PPM1A: variants seen among roughly 807,000 people sequenced by gnomAD.
PPM1A encodes protein phosphatase, Mg2+/Mn2+ dependent 1A.
A neutral mutation model predicts 35.0 loss-of-function variants in PPM1A; 7 were observed. That is an observed-to-expected ratio of 0.20 (90% CI 0.11 to 0.38). The LOEUF is 0.38. PPM1A is among the 10% of genes least tolerant of loss of function. PPM1A has a pLI of 1.00. For synonymous variants in PPM1A, 153 were observed against 167.3 expected, an observed-to-expected ratio of 0.91 and a Z score of 0.66; for missense variants, 239 against 467.8, an observed-to-expected ratio of 0.51 and a Z score of 4.51.
chr14:60,261,812 C>A (rs1256081530), intron 1 of PPM1A, among the ~76,000 whole-genome samples: 1 of 152,062 alleles, frequency 6.6e-6, no homozygotes, highest in East Asian at 1.9e-4. Context: ...CAGAATTGTT[C>A]CTGAGATTTT....
At chr14:60,264,845 C>G (rs774159180) in intron 1 of PPM1A, among the ~76,000 whole-genome samples, 3 of 152,040 alleles carry the variant, frequency 2.0e-5, no homozygotes, top group Non-Finnish European at 2.9e-5. Flanking sequence ...GCCACCTATT[C>G]TGGTTTGATT....
At chr14:60,263,130 A>C (rs1002973910) in intron 1 of PPM1A, among the ~76,000 whole-genome samples, 11 of 152,076 alleles carry the variant, frequency 7.2e-5, no homozygotes, top group African/African-American at 2.4e-4. Context: ...AGGCAGGAGA[A>C]TTGCTTGAAC....
chr14:60,288,359 G>A, intron 3 of PPM1A: 1 of 976,954 alleles, frequency 1.0e-6, no homozygotes, highest in Non-Finnish European at 1.2e-6. Context: ...ATTGTATCTA[G>A]TTATCTATCC....
intron 1 of PPM1A, among the ~76,000 whole-genome samples, chr14:60,255,384 G>C (rs1236634798): frequency 6.6e-6 from 1 of 151,650 alleles, no homozygotes; most frequent in East Asian, 1.9e-4. Flanking sequence ...TGTTAGCCAG[G>C]ATGGTCTCGA....
At chr14:60,281,086 G>A (rs1886360208) in intron 1 of PPM1A, among the ~76,000 whole-genome samples, 1 of 152,162 alleles carries the variant, frequency 6.6e-6, no homozygotes, top group South Asian at 2.1e-4. Flanking sequence ...AGTAATGCTT[G>A]TAAAACACTT....
At chr14:60,276,600 T>TG (rs902075718) in intron 1 of PPM1A, among the ~76,000 whole-genome samples, 2 of 152,170 alleles carry the variant, frequency 1.3e-5, no homozygotes, top group Non-Finnish European at 2.9e-5. Flanking sequence ...TTATAAAGCC[T>TG]GGGGGGCGTT....
In PPM1A at chr14:60,295,796, C is replaced by T. The variant is rs1350279185; in HGVS notation, c.*3314C>T. 1 of 151,552 alleles carries T rather than the reference C, an allele frequency of 6.6e-6. No individual in the cohort carries two copies. Among genetic ancestry groups the T allele is most frequent in the Non-Finnish European group, 1.5e-5 (1 of 67,646 alleles). 9.4% of individuals were successfully genotyped at this position (151,552 alleles called of 1,614,324 possible). A position where few individuals can be genotyped will look rare whatever the true frequency, so the allele number is the denominator to read the frequency against. Reference sequence around the variant, plus strand: ...ATATCTATTGCCCACCTGCTATCTACCAGGTACTTAGCTGATCAAGGCAGG... The same window carrying T: ...ATATCTATTGCCCACCTGCTATCTATCAGGTACTTAGCTGATCAAGGCAGG... On this transcript the variant is annotated 3_prime_UTR_variant, in exon 6 of 6. Coordinates refer to ENST00000395076, the MANE Select transcript of PPM1A (RefSeq NM_021003.5).
rs896980953 is a variant in PPM1A at position 60,298,410 on chromosome 14, A to G, written c.*5928A>G. 15 of 151,766 alleles carry G rather than the reference A, an allele frequency of 9.9e-5. No individual in the cohort carries two copies. Among genetic ancestry groups the G allele is most frequent in the Non-Finnish European group, 1.5e-5 (1 of 67,712 alleles). The allele number at this position is 151,766 out of a possible 1,614,324, so 9.4% of individuals were successfully genotyped here. On this transcript the variant is annotated 3_prime_UTR_variant, in exon 6 of 6. Transcript: ENST00000395076. ...TGTTAAAATAACATCCAAGTCGGAC[A>G]ACCACCACCAATGCACACAGTTAAT...
chr14:60,271,605 T>C (rs368440787), intron 1 of PPM1A, among the ~76,000 whole-genome samples: 12 of 152,328 alleles, frequency 7.9e-5, no homozygotes, highest in African/African-American at 2.9e-4. Flanking sequence ...TGCTAGGGAC[T>C]CGAGAATGCA....
intron 1 of PPM1A, among the ~76,000 whole-genome samples, chr14:60,267,526 G>T (rs1595303772): frequency 6.6e-6 from 1 of 151,870 alleles, no homozygotes; most frequent in Middle Eastern, 3.4e-3. Flanking sequence ...TATTTTTTTA[G>T]TGCTGTCTTT....
chr14:60,272,643 A>G (rs1885278636), intron 1 of PPM1A, among the ~76,000 whole-genome samples: 2 of 149,504 alleles, frequency 1.3e-5, no homozygotes, highest in South Asian at 4.2e-4. Flanking sequence ...GGGAGCCAAG[A>G]TCATGCCGCC....
At chr14:60,287,731 C>G in intron 3 of PPM1A, 1 of 984,770 alleles carries the variant, frequency 1.0e-6, no homozygotes, top group Non-Finnish European at 1.2e-6. Context: ...ACTTGACTCT[C>G]TGGGGGTGTG....
chr14:60,281,595 CCTT>C (rs923885786), intron 1 of PPM1A, among the ~76,000 whole-genome samples: 1 of 152,170 alleles, frequency 6.6e-6, no homozygotes, highest in African/African-American at 2.4e-5. Context: ...ATCATGCTAT[CCTT>C]CTTTTGGATT....
At chr14:60,252,303 A>G (rs1301958892) in intron 1 of PPM1A, among the ~76,000 whole-genome samples, 1 of 152,230 alleles carries the variant, frequency 6.6e-6, no homozygotes, top group African/African-American at 2.4e-5. Context: ...ATGCTCATGT[A>G]GAAATAATAT....
At chr14:60,280,148 G>A (rs1304441709) in intron 1 of PPM1A, among the ~76,000 whole-genome samples, 1 of 152,152 alleles carries the variant, frequency 6.6e-6, no homozygotes, top group African/African-American at 2.4e-5. Flanking sequence ...CGGGATTACG[G>A]GCATGCGCCA....
At position 60,286,586 on chromosome 14, in the gene PPM1A, T is replaced by A. The variant is rs536503764; in HGVS notation, c.952+845T>A. On this transcript the variant is annotated intron_variant, in intron 3 of 5. Transcript: ENST00000395076. ...CATTTTAGGCTCCTAATGTCGTTAA[T>A]TTGCACGTTAAAGACCTCTAATCGC... 17 of 985,302 alleles carry A rather than the reference T, an allele frequency of 1.7e-5. No homozygotes were observed. The African/African-American group carries it at 2.6e-4, about 15-fold the overall frequency. 61.0% of individuals were successfully genotyped at this position (985,302 alleles called of 1,614,324 possible). A position where few individuals can be genotyped will look rare whatever the true frequency, so the allele number is the denominator to read the frequency against.
chr14:60,279,684 A>G (rs1239874133), intron 1 of PPM1A, among the ~76,000 whole-genome samples: 1 of 152,130 alleles, frequency 6.6e-6, no homozygotes, highest in Non-Finnish European at 1.5e-5. Context: ...CCACATTCTG[A>G]CCAACTCTTG....
In PPM1A at chr14:60,289,981, A is replaced by G; in HGVS notation, c.1061+67A>G. 8.8e-7 allele frequency: 1 copy of G among 1,133,060 alleles called. No individual in the cohort carries two copies. The highest frequency in any genetic ancestry group is 1.2e-6 in the Non-Finnish European group (1 of 804,510). The allele number at this position is 1,133,060 out of a possible 1,614,324, so 70.2% of individuals were successfully genotyped here. ...ATGAAAATGTTAGGTATTCATTGAT[A>G]AAATGTTTGTTTGCCTAATTTCTGA... On this transcript the variant is annotated intron_variant, in intron 4 of 5. Coordinates refer to ENST00000395076, the MANE Select transcript of PPM1A (RefSeq NM_021003.5). The surrounding 1 kb of genome is among the most constrained non-coding windows in gnomAD (Gnocchi z 4.1).
intron 2 of PPM1A, 150 bp from the exon 3 acceptor site, chr14:60,285,474 A>ATAGAAATG: frequency 1.4e-6 from 1 of 708,680 alleles, no homozygotes; most frequent in Non-Finnish European, 2.2e-6. Flanking sequence ...ACACACACGC[A>ATAGAAATG]CGCATGCGTG....
Sources: allele counts gnomAD v4.1 joint callset (sites outside exome capture counted in the v4.1 genomes callset), GRCh38; gene constraint gnomAD v4.1.1; non-coding constraint Gnocchi (gnomAD v3.1); transcripts MANE v1.5; gene names NCBI Gene and HGNC (gene_info 2026-07-23, HGNC 2026-07-21).